Variants in TBCA observed in about 807,000 individuals in gnomAD.
The protein encoded by TBCA is tubulin folding cofactor A.
In TBCA, 6 loss-of-function variants were observed where a neutral mutation model predicts 15.8. The observed-to-expected ratio is 0.38, with a 90% CI of 0.21 to 0.75. TBCA has a LOEUF of 0.75. TBCA is among the 30% of genes least tolerant of loss of function. The probability of loss-of-function intolerance (pLI) is 0.46; values close to 1 mark genes in which losing one functional copy is unlikely to be tolerated. For synonymous variants in TBCA, 32 were observed against 42.3 expected (o/e 0.76, Z 0.94); for missense variants, 90 against 131.2 (o/e 0.69, Z 1.53).
intron 2 of TBCA, among the ~76,000 whole-genome samples, chr5:77,698,663 T>C (rs1745929710): frequency 6.6e-6 from 1 of 152,122 alleles, no homozygotes; most frequent in Non-Finnish European, 1.5e-5. Context: ...GAAATCAGTA[T>C]TCCCAAATGA....
chr5:77,732,535 A>G (rs1746797080), intron 1 of TBCA, among the ~76,000 whole-genome samples: 1 of 118,688 alleles, frequency 8.4e-6, no homozygotes, highest in Non-Finnish European at 1.6e-5. Flanking sequence ...TGGGCGACAG[A>G]GTGAGACTCT....
chr5:77,725,373 A>C (rs887788294), intron 1 of TBCA, among the ~76,000 whole-genome samples: 1 of 152,346 alleles, frequency 6.6e-6, no homozygotes, highest in Admixed American at 6.5e-5. Flanking sequence ...GGACCAAGTC[A>C]GGTGGTAAAT....
chr5:77,701,191 T>C (rs1746004065), intron 2 of TBCA, among the ~76,000 whole-genome samples: 1 of 151,804 alleles, frequency 6.6e-6, no homozygotes, highest in African/African-American at 2.4e-5. Context: ...CCAAAATCTA[T>C]AACAAATTCA....
intron 1 of TBCA, among the ~76,000 whole-genome samples, chr5:77,713,386 T>C (rs1746327247): frequency 6.6e-6 from 1 of 152,154 alleles, no homozygotes; most frequent in Non-Finnish European, 1.5e-5. Flanking sequence ...CAGCTGTTAG[T>C]GATTGTGAAG....
At chr5:77,766,148 A>C (rs115029512) in intron 1 of TBCA, among the ~76,000 whole-genome samples, 3,549 of 152,252 alleles carry the variant, frequency 0.023, 49 homozygotes, top group Non-Finnish European at 0.036. Flanking sequence ...AATAATAATA[A>C]TAACCTGGAG....
At chr5:77,699,215 A>T (rs1745949017) in intron 2 of TBCA, among the ~76,000 whole-genome samples, 1 of 152,176 alleles carries the variant, frequency 6.6e-6, no homozygotes, top group South Asian at 2.1e-4. Context: ...GGTTTAATGC[A>T]ATTCCTATCA....
chr5:77,695,750 C>T (rs1745857424), intron 2 of TBCA, among the ~76,000 whole-genome samples: 1 of 152,192 alleles, frequency 6.6e-6, no homozygotes, highest in African/African-American at 2.4e-5. Flanking sequence ...AGTCAATTGT[C>T]AGTTTATTCT....
chr5:77,772,785 A>G (rs1747943730), intron 1 of TBCA, among the ~76,000 whole-genome samples: 1 of 152,248 alleles, frequency 6.6e-6, no homozygotes, highest in Non-Finnish European at 1.5e-5. Context: ...ATAGTAAACT[A>G]TCACCAAGTT....
At chr5:77,741,872 GAGA>G (rs1037089343) in intron 1 of TBCA, among the ~76,000 whole-genome samples, 15 of 152,150 alleles carry the variant, frequency 9.9e-5, no homozygotes, top group African/African-American at 2.9e-4. Context: ...TCTAATATTT[GAGA>G]AGAAGAATAT....
At chr5:77,773,219 T>C (rs188489312) in intron 1 of TBCA, among the ~76,000 whole-genome samples, 4 of 152,336 alleles carry the variant, frequency 2.6e-5, no homozygotes, top group Admixed American at 2.0e-4. Context: ...TCCCTTCCTA[T>C]TACCAATTTT....
At chr5:77,692,945 T>C in intron 3 of TBCA, 1 of 1,293,044 alleles carries the variant, frequency 7.7e-7, no homozygotes, top group South Asian at 2.3e-5. Flanking sequence ...TCATCCTCAA[T>C]GTCTCAAAAG....
Position 77,763,185 on chromosome 5 carries a change from A to G in TBCA, c.53+13020T>C, listed in dbSNP as rs867264813. Among the ~76,000 whole-genome samples, 6 of 152,276 alleles carry G rather than the reference A, an allele frequency of 3.9e-5. No individual in the cohort carries two copies. In the East Asian group the frequency reaches 9.7e-4, roughly 24 times the overall value. On this transcript the variant is annotated intron_variant, in intron 1 of 3. Transcript: ENST00000380377. ...CGTGAACCCGGGAGGCGGAGCTTGC[A>G]GTGAGTCGAGATTGCGCCACTGCAC...
intron 1 of TBCA, among the ~76,000 whole-genome samples, chr5:77,769,659 C>T (rs1580141084): frequency 6.7e-6 from 1 of 149,520 alleles, no homozygotes; most frequent in East Asian, 1.9e-4. Flanking sequence ...GGGAACAATG[C>T]TTGCTTTATT....
At chr5:77,700,030 CAAA>C (rs67790719) in intron 2 of TBCA, among the ~76,000 whole-genome samples, 2 of 86,110 alleles carry the variant, frequency 2.3e-5, no homozygotes, top group African/African-American at 4.8e-5. Flanking sequence ...GGCTCTGACT[CAAA>C]AAAAAAAAAA....
chr5:77,757,830 G>T (rs926465147), intron 1 of TBCA, among the ~76,000 whole-genome samples: 3 of 152,154 alleles, frequency 2.0e-5, no homozygotes, highest in Non-Finnish European at 2.9e-5. Context: ...AAGGTGGCTG[G>T]AGTACAGTTT....
At chr5:77,743,361 T>C (rs1432319530) in intron 1 of TBCA, among the ~76,000 whole-genome samples, 1 of 152,208 alleles carries the variant, frequency 6.6e-6, no homozygotes, top group Non-Finnish European at 1.5e-5. Flanking sequence ...AAGATGAGAC[T>C]AAACTTGGCA....
rs58212011 is a variant in TBCA, at chr5:77,769,278, C to G, written c.53+6927G>C. Among the ~76,000 whole-genome samples the G allele has an allele frequency of 4.9e-4, 74 of 152,250 alleles. No individual in the cohort carries two copies. The East Asian group carries it at 9.1e-3, about 19-fold the overall frequency. On this transcript the variant is annotated intron_variant, in intron 1 of 3. Coordinates refer to ENST00000380377, the MANE Select transcript of TBCA (RefSeq NM_004607.3). ...TCAAAGTAGGAAGGTAGCCATCTGG[C>G]TGAACTTAGCAATGGGGTACAGTGC...
At chr5:77,766,861 C>G (rs1410946763) in intron 1 of TBCA, among the ~76,000 whole-genome samples, 2 of 152,134 alleles carry the variant, frequency 1.3e-5, no homozygotes, top group Non-Finnish European at 2.9e-5. Context: ...CTCATAAACC[C>G]TTTTCTGGTT....
chr5:77,705,171 T>A (rs971214707), intron 2 of TBCA, among the ~76,000 whole-genome samples: 2 of 152,228 alleles, frequency 1.3e-5, no homozygotes, highest in Admixed American at 1.3e-4. Flanking sequence ...AACCCATAAC[T>A]TTATTTGTAA....
Sources: allele counts gnomAD v4.1 joint callset (sites outside exome capture counted in the v4.1 genomes callset), GRCh38; gene constraint gnomAD v4.1.1; transcripts MANE v1.5; gene names NCBI Gene and HGNC (gene_info 2026-07-23, HGNC 2026-07-21).